ZRSR2: variants seen among roughly 807,000 people sequenced by gnomAD.
The protein encoded by ZRSR2 is zinc finger CCCH-type, RNA binding motif and serine/arginine rich 2, also known as U2 small nuclear ribonucleoprotein auxiliary factor 35 kDa subunit-related protein 2.
In ZRSR2, 3 loss-of-function variants were observed where a neutral mutation model predicts 39.4. The ratio of observed to expected loss-of-function variants is 0.08; its 90% CI spans 0.03 to 0.20. The LOEUF (loss-of-function observed/expected upper bound fraction) is 0.20. Ranked by LOEUF, ZRSR2 falls within the 10% of genes least tolerant of loss-of-function variation. The probability of loss-of-function intolerance (pLI) is 1.00; values close to 1 mark genes in which losing one functional copy is unlikely to be tolerated. For missense variants in ZRSR2, 256 were observed against 391.5 expected, an observed-to-expected ratio of 0.65 and a Z score of 2.92; for synonymous variants, 137 against 136.0, an observed-to-expected ratio of 1.01 and a Z score of -0.05.
chrX:15,809,318 G>A lies in ZRSR2; in HGVS notation c.557G>A (p.Arg186Lys). Residue 186 changes from arginine to lysine, a missense_variant and splice_region_variant, in exon 7 of 11, where the codon AGA (arginine) becomes AAA (lysine). By Grantham distance (26) the Arg-to-Lys change is conservative (BLOSUM62 2). Around this residue, in one of 3 missense-constraint regions of ZRSR2, gnomAD observed 58 missense variants for 163.1 expected, o/e 0.36. Transcript: ENST00000307771. The stretch of plus-strand genomic sequence containing the variant: ...ACAGGAGCTTGCAGATTTGGAGATA[G>A]GTAACTAATTTTGTTTTATCATGTC... ...SKTGACRFGD[R>K]CSRKHNFPTS... 1.7e-6 allele frequency: 2 copies of A among 1,171,075 alleles called. No individual in the cohort carries two copies. Among genetic ancestry groups the A allele is most frequent in the Non-Finnish European group, 1.2e-6 (1 of 860,199 alleles).
intron 2 of ZRSR2, among the ~76,000 whole-genome samples, chrX:15,792,418 T>A (rs1205655802): frequency 1.8e-5 from 2 of 111,816 alleles, no homozygotes; most frequent in African/African-American, 6.5e-5. Flanking sequence ...TGAGATTCTG[T>A]CTCAAAAAAC....
intron 7 of ZRSR2, among the ~76,000 whole-genome samples, chrX:15,811,080 T>C (rs1932873926): frequency 9.2e-6 from 1 of 109,013 alleles, no homozygotes; most frequent in Non-Finnish European, 1.9e-5. Flanking sequence ...GTGAAAAGAG[T>C]CATGGGATCT....
chrX:15,796,234 C>T (rs745330542), intron 2 of ZRSR2, among the ~76,000 whole-genome samples: 28 of 111,747 alleles, frequency 2.5e-4, no homozygotes, highest in Non-Finnish European at 4.5e-4. Context: ...CTTCCAGCAT[C>T]GCTAGTCGCA....
At chrX:15,802,337 C>G (rs980575112) in intron 3 of ZRSR2, among the ~76,000 whole-genome samples, 16 of 112,538 alleles carry the variant, frequency 1.4e-4, no homozygotes, top group African/African-American at 3.9e-4. Flanking sequence ...CTTTGGCAAT[C>G]TAACCCCCTC....
intron 5 of ZRSR2, among the ~76,000 whole-genome samples, chrX:15,804,494 C>G (rs1392484935): frequency 9.0e-6 from 1 of 111,363 alleles, no homozygotes; most frequent in Non-Finnish European, 1.9e-5. Context: ...GGTTTGGTCT[C>G]TGTGGCAAAC....
chrX:15,807,141 T>G (rs1932798743), intron 5 of ZRSR2, among the ~76,000 whole-genome samples: 1 of 112,062 alleles, frequency 8.9e-6, no homozygotes, highest in Non-Finnish European at 1.9e-5. Context: ...AGGTAGAAAT[T>G]TACTGGCATA....
At chrX:15,790,867 G>A (rs1932249981) in intron 1 of ZRSR2, 67 bp from the exon 2 acceptor site, 3 of 1,027,616 alleles carry the variant, frequency 2.9e-6, no homozygotes, top group Non-Finnish European at 4.1e-6. Context: ...GGGCACAGAG[G>A]AGCGGGGAGC....
At chrX:15,796,338 C>G in intron 2 of ZRSR2, among the ~76,000 whole-genome samples, 1 of 112,342 alleles carries the variant, frequency 8.9e-6, no homozygotes. Context: ...CTGCCATACA[C>G]AATTTACTGA....
chrX:15,790,512 A>C lies in ZRSR2; in HGVS notation c.17A>C (p.Lys6Thr), dbSNP rs1198313061. The C allele has an allele frequency of 2.7e-5, 31 of 1,158,629 alleles. No homozygotes were observed. The highest frequency in any genetic ancestry group is 3.6e-5 in the Non-Finnish European group (31 of 870,998). MAAPEKMTFPEKPSHK... is the reference protein window; with the variant it reads MAAPETMTFPEKPSHK... ...GCCGGCAAGATGGCTGCGCCCGAGA[A>C]GATGACGTTTCCCGAGAAACCAAGG... The change falls in exon 1 of 11, where the codon AAG becomes ACG. Residue 6 changes from lysine to threonine, a missense_variant. Physicochemically the swap from Lys to Thr is moderately conservative, Grantham distance 78 (BLOSUM62 -1). Transcript: ENST00000307771.
intron 7 of ZRSR2, among the ~76,000 whole-genome samples, chrX:15,809,606 T>C (rs181070875): frequency 1.8e-5 from 2 of 112,334 alleles, no homozygotes; most frequent in East Asian, 5.6e-4. Flanking sequence ...CTTCCTGAGC[T>C]TGCATTAGTC....
In ZRSR2 at chrX:15,818,524, T is replaced by TG. The variant is rs1933025662; in HGVS notation, c.772-63_772-62insG. The TG allele has an allele frequency of 1.2e-5, 12 of 1,019,414 alleles. No homozygotes were observed. The Middle Eastern group carries it at 7.7e-4, about 65-fold the overall frequency. The allele number at this position is 1,019,414 out of a possible 1,213,427, so 84.0% of individuals were successfully genotyped here. ...GGAATGTTAGCCTGGACAAACAACA[T>TG]TTGATGAATGGCTGGTTTCTTTTCC... On this transcript the variant is annotated intron_variant, in intron 8 of 10. Transcript: ENST00000307771.
chrX:15,799,447 C>T (rs1359987473), intron 2 of ZRSR2, among the ~76,000 whole-genome samples: 3 of 106,925 alleles, frequency 2.8e-5, no homozygotes, highest in African/African-American at 1.0e-4. Context: ...TCCACACCCC[C>T]ACCACCTTTT....
chrX:15,800,038 G>A, intron 3 of ZRSR2, 85 bp downstream of exon 3: 1 of 638,323 alleles, frequency 1.6e-6, no homozygotes, highest in South Asian at 4.5e-5. Context: ...CCAGTCTTCT[G>A]TATAAAATCT....
chrX:15,804,545 A>G (rs979874295), intron 5 of ZRSR2, among the ~76,000 whole-genome samples: 2 of 111,924 alleles, frequency 1.8e-5, no homozygotes, highest in Non-Finnish European at 3.8e-5. Context: ...GCCATCGATA[A>G]TATGTAGATG....
chrX:15,796,177 C>T lies in ZRSR2; in HGVS notation c.122-3695C>T, dbSNP rs771029702. Among the ~76,000 whole-genome samples the T allele has an allele frequency of 5.4e-5, 6 of 111,152 alleles. No individual in the cohort carries two copies. The East Asian group carries it at 8.4e-4, about 16-fold the overall frequency. ...CAGAGTAGTTGGGATTACAGACACGCACCACCGCGCCCGGCCATCATGACT... is the reference window on the plus strand; with the variant it reads ...CAGAGTAGTTGGGATTACAGACACGTACCACCGCGCCCGGCCATCATGACT... On this transcript the variant is annotated intron_variant, in intron 2 of 10. Coordinates refer to ENST00000307771, the MANE Select transcript of ZRSR2 (RefSeq NM_005089.4).
chrX:15,818,554 T>A, intron 8 of ZRSR2, 33 bp from the exon 9 acceptor site: 1 of 1,176,180 alleles, frequency 8.5e-7, no homozygotes, highest in Non-Finnish European at 1.2e-6. Flanking sequence ...TTTTCCTGAA[T>A]TTTTTATGAT....
intron 3 of ZRSR2, among the ~76,000 whole-genome samples, chrX:15,800,395 C>T (rs1285001511): frequency 9.1e-6 from 1 of 109,606 alleles, no homozygotes; most frequent in East Asian, 2.8e-4. Flanking sequence ...CCATGTCGGC[C>T]AGGGTGGTCT....
chrX:15,804,900 G>A (rs1313260708), intron 5 of ZRSR2, among the ~76,000 whole-genome samples: 1 of 110,701 alleles, frequency 9.0e-6, no homozygotes, highest in Non-Finnish European at 1.9e-5. Flanking sequence ...AAATCTGTGA[G>A]GCATATGTGT....
intron 2 of ZRSR2, among the ~76,000 whole-genome samples, chrX:15,798,312 G>A (rs1932548780): frequency 9.0e-6 from 1 of 111,179 alleles, no homozygotes; most frequent in Non-Finnish European, 1.9e-5. Context: ...GAATGGGAGA[G>A]GATGTAAATG....
Sources: allele counts gnomAD v4.1 joint callset (sites outside exome capture counted in the v4.1 genomes callset), GRCh38; gene constraint gnomAD v4.1.1; regional missense constraint gnomAD v4.1.1; transcripts MANE v1.5; gene names NCBI Gene and HGNC (gene_info 2026-07-23, HGNC 2026-07-21).